PLCXD2: variants seen among roughly 807,000 people sequenced by gnomAD.
PLCXD2 encodes the protein PI-PLC X domain-containing protein 2.
PLCXD2 carries 21 observed loss-of-function variants against 28.6 expected under a neutral mutation model. The ratio of observed to expected loss-of-function variants is 0.73; its 90% confidence interval spans 0.52 to 1.06. The LOEUF (loss-of-function observed/expected upper bound fraction) is 1.06, where lower values mean the gene tolerates loss of function less well. PLCXD2 is among the 50% of genes least tolerant of loss of function. The pLI, the probability that PLCXD2 is intolerant of heterozygous loss-of-function variation, is 0.00. For missense variants in PLCXD2, 369 were observed against 376.7 expected (o/e 0.98, Z 0.17); for synonymous variants, 140 against 150.1 (o/e 0.93, Z 0.49).
rs141436997 is a variant in PLCXD2 at position 111,710,571 on chromosome 3, G to A, written c.624+2185G>A. Among the ~76,000 whole-genome samples, 143 of 152,282 alleles carry A rather than the reference G, an allele frequency of 9.4e-4. 1 individual carries two copies. The highest frequency in any genetic ancestry group is 6.8e-3 in the Middle Eastern group (2 of 294). On this transcript the variant is annotated intron_variant, in intron 2 of 4. Coordinates refer to ENST00000477665, the MANE Select transcript of PLCXD2 (RefSeq NM_001185106.1). ...AGTTAGTGAGAACCAGGATTCAGTC[G>A]CAGGCTTTCTGGCTTTCCAGAGTTC...
chr3:111,684,659 A>C (rs1050803875), intron 1 of PLCXD2, among the ~76,000 whole-genome samples: 1 of 152,120 alleles, frequency 6.6e-6, no homozygotes, highest in Admixed American at 6.6e-5. Flanking sequence ...GTCTTAAAAA[A>C]AAAAAAAATA....
chr3:111,706,815 A>G (rs1358498464), intron 1 of PLCXD2, among the ~76,000 whole-genome samples: 1 of 143,136 alleles, frequency 7.0e-6, no homozygotes, highest in Non-Finnish European at 1.6e-5. Flanking sequence ...TTTAAGGCAA[A>G]AAAAAAAAAA....
At chr3:111,683,379 A>T (rs1427661133) in intron 1 of PLCXD2, among the ~76,000 whole-genome samples, 1 of 152,204 alleles carries the variant, frequency 6.6e-6, no homozygotes, top group African/African-American at 2.4e-5. Context: ...ACTAGATCCT[A>T]ATGAGCCTTA....
At chr3:111,694,200 C>G (rs1268321377) in intron 1 of PLCXD2, among the ~76,000 whole-genome samples, 1 of 152,168 alleles carries the variant, frequency 6.6e-6, no homozygotes, top group Admixed American at 6.5e-5. Context: ...GCTTCTCAAC[C>G]TCTCTCTGTT....
intron 1 of PLCXD2, among the ~76,000 whole-genome samples, chr3:111,691,020 G>A (rs1940869476): frequency 6.6e-6 from 1 of 152,144 alleles, no homozygotes; most frequent in African/African-American, 2.4e-5. Context: ...ATCACTGTAG[G>A]ACACACCTAA....
intron 3 of PLCXD2, among the ~76,000 whole-genome samples, chr3:111,717,365 A>G (rs907280774): frequency 2.0e-5 from 3 of 152,142 alleles, no homozygotes; most frequent in South Asian, 4.1e-4. Flanking sequence ...CTGCTCTGCC[A>G]TCCATGGGAA....
intron 3 of PLCXD2, among the ~76,000 whole-genome samples, chr3:111,714,571 A>G (rs946335688): frequency 1.3e-5 from 2 of 152,194 alleles, no homozygotes; most frequent in Non-Finnish European, 2.9e-5. Flanking sequence ...GAGTCACTGA[A>G]GAAGCAGCTT....
At chr3:111,676,044 T>C (rs942958015) in intron 1 of PLCXD2, among the ~76,000 whole-genome samples, 2 of 152,344 alleles carry the variant, frequency 1.3e-5, no homozygotes, top group South Asian at 2.1e-4. Context: ...GCCTGACTGA[T>C]TTAGAACTGC....
chr3:111,719,299 G>A (rs1941314580), intron 3 of PLCXD2, among the ~76,000 whole-genome samples: 1 of 152,074 alleles, frequency 6.6e-6, no homozygotes, highest in Admixed American at 6.5e-5. Flanking sequence ...TGAGAAAACT[G>A]ACAGACAAGC....
intron 3 of PLCXD2, among the ~76,000 whole-genome samples, chr3:111,716,100 A>C (rs1184532704): frequency 6.6e-6 from 1 of 152,340 alleles, no homozygotes; most frequent in Middle Eastern, 3.4e-3. Context: ...AAGCTTGGAA[A>C]GATACTTTCT....
At chr3:111,679,056 T>C (rs2107837094) in intron 1 of PLCXD2, among the ~76,000 whole-genome samples, 1 of 152,158 alleles carries the variant, frequency 6.6e-6, no homozygotes, top group Non-Finnish European at 1.5e-5. Flanking sequence ...TATGTATATA[T>C]GTACCTTCAT....
At chr3:111,723,049 T>C (rs1941367113) in intron 3 of PLCXD2, 1 of 152,242 alleles carries the variant, frequency 6.6e-6, no homozygotes, top group South Asian at 2.1e-4. Flanking sequence ...TGATGCTAAA[T>C]GCTAATGACA....
At position 111,684,846 on chromosome 3, in the gene PLCXD2, C is replaced by T. The variant is rs181532349; in HGVS notation, c.163+9438C>T. On this transcript the variant is annotated intron_variant, in intron 1 of 4. Coordinates refer to ENST00000477665, the MANE Select transcript of PLCXD2 (RefSeq NM_001185106.1). ...CTGATGAGGTCATCCAAGTGGGAGG[C>T]GACCCTGACCTGAGGAGGAGGGTGA... Among the ~76,000 whole-genome samples, 21 of 152,048 alleles carry T rather than the reference C, an allele frequency of 1.4e-4. No homozygotes were observed. The East Asian group carries it at 2.3e-3, about 17-fold the overall frequency.
chr3:111,726,766 A>G (rs1438547261), intron 3 of PLCXD2: 1 of 152,176 alleles, frequency 6.6e-6, no homozygotes, highest in Non-Finnish European at 1.5e-5. Context: ...AACTTACAAC[A>G]TTGTAAAGCC....
At chr3:111,688,045 G>C (rs548852522) in intron 1 of PLCXD2, among the ~76,000 whole-genome samples, 1 of 152,346 alleles carries the variant, frequency 6.6e-6, no homozygotes, top group African/African-American at 2.4e-5. Flanking sequence ...GTAGTTCAGA[G>C]TGTAGGTTGT....
chr3:111,692,244 C>T (rs2107847756), intron 1 of PLCXD2, among the ~76,000 whole-genome samples: 1 of 152,228 alleles, frequency 6.6e-6, no homozygotes, highest in East Asian at 1.9e-4. Context: ...GGGGTTTCAC[C>T]GTGTTAGCCA....
intron 1 of PLCXD2, among the ~76,000 whole-genome samples, chr3:111,677,660 G>A (rs1940645203): frequency 6.6e-6 from 1 of 152,234 alleles, no homozygotes; most frequent in South Asian, 2.1e-4. Context: ...GGTAGATGTT[G>A]TATTTAAGCC....
At chr3:111,709,550 G>T (rs1417230196) in intron 2 of PLCXD2, among the ~76,000 whole-genome samples, 1 of 152,178 alleles carries the variant, frequency 6.6e-6, no homozygotes, top group Non-Finnish European at 1.5e-5. Context: ...CAAGCATGGT[G>T]AGAGGGAACC....
intron 3 of PLCXD2, among the ~76,000 whole-genome samples, chr3:111,717,387 C>T (rs1404102916): frequency 6.6e-6 from 1 of 152,174 alleles, no homozygotes; most frequent in Non-Finnish European, 1.5e-5. Context: ...TGTTGCCTCA[C>T]GGGCCTGTCA....
Sources: allele counts gnomAD v4.1 joint callset (sites outside exome capture counted in the v4.1 genomes callset), GRCh38; gene constraint gnomAD v4.1.1; transcripts MANE v1.5; gene names NCBI Gene and HGNC (gene_info 2026-07-23, HGNC 2026-07-21).